PEX5: variants seen among roughly 807,000 people sequenced by gnomAD.
PEX5 encodes the protein peroxisomal biogenesis factor 5.
PEX5 carries 52 observed loss-of-function variants against 82.9 expected under a neutral mutation model. The observed-to-expected ratio is 0.63, with a 90% confidence interval of 0.50 to 0.79. The LOEUF (loss-of-function observed/expected upper bound fraction) is 0.79. PEX5 is among the 30% of genes least tolerant of loss of function. PEX5 has a pLI of 0.00. For missense variants in PEX5, 719 were observed against 815.2 expected, an observed-to-expected ratio of 0.88 and a Z score of 1.44; for synonymous variants, 300 against 318.8, an observed-to-expected ratio of 0.94 and a Z score of 0.63.
At chr12:7,201,258 C>T (rs1210731952) in intron 6 of PEX5, among the ~76,000 whole-genome samples, 10 of 140,614 alleles carry the variant, frequency 7.1e-5, no homozygotes, top group South Asian at 2.7e-4. Flanking sequence ...TAGATACATG[C>T]GTACACATGT....
downstream of PEX5, among the ~76,000 whole-genome samples, chr12:7,212,285 A>C (rs746899482): frequency 1.3e-5 from 2 of 152,042 alleles, no homozygotes; most frequent in African/African-American, 4.8e-5. Context: ...CTAACTTTTA[A>C]ATTTATTTAA....
chr12:7,191,738 T>G, intron 5 of PEX5, 38 bp downstream of exon 5: 1 of 1,592,568 alleles, frequency 6.3e-7, no homozygotes, highest in Non-Finnish European at 8.6e-7. Context: ...TTGGCTTCTA[T>G]GGGACAGAAT....
chr12:7,211,845 T>TTA (rs1945596522), downstream of PEX5, among the ~76,000 whole-genome samples: 1 of 152,142 alleles, frequency 6.6e-6, no homozygotes, highest in Non-Finnish European at 1.5e-5. Flanking sequence ...GGGAACTGTA[T>TTA]CAAGTGCCAT....
chr12:7,217,505 T>G (rs915649557), intron 17 of PEX5, among the ~76,000 whole-genome samples: 1 of 152,196 alleles, frequency 6.6e-6, no homozygotes, highest in Admixed American at 6.5e-5. Context: ...AGCATGGTGG[T>G]CTCAGGGTGT....
At chr12:7,200,783 G>T (rs1378002453) in intron 6 of PEX5, among the ~76,000 whole-genome samples, 1 of 149,486 alleles carries the variant, frequency 6.7e-6, no homozygotes, top group Non-Finnish European at 1.5e-5. Flanking sequence ...GCAGGCACTC[G>T]GCAGGCTGAA....
chr12:7,199,136 G>T, intron 6 of PEX5, 23 bp downstream of exon 6: 1 of 1,348,180 alleles, frequency 7.4e-7, no homozygotes. Context: ...ACCTCTTTCC[G>T]AATCCCGTGA....
chr12:7,213,121 G>GAATC (rs924580653), downstream of PEX5, among the ~76,000 whole-genome samples: 24 of 151,412 alleles, frequency 1.6e-4, no homozygotes, highest in African/African-American at 5.8e-4. Context: ...TGGGTAGGAA[G>GAATC]AATCAATATT....
chr12:7,199,530 TAGATC>T (rs1249731899), intron 6 of PEX5, among the ~76,000 whole-genome samples: 1 of 151,520 alleles, frequency 6.6e-6, no homozygotes, highest in Non-Finnish European at 1.5e-5. Flanking sequence ...GGTAAGGTCA[TAGATC>T]AACAGGATCC....
intron 5 of PEX5, among the ~76,000 whole-genome samples, chr12:7,198,499 C>T (rs1943154238): frequency 6.6e-6 from 1 of 152,186 alleles, no homozygotes; most frequent in African/African-American, 2.4e-5. Context: ...TCTAGCCTAG[C>T]ATTCCACTTC....
Position 7,208,051 on chromosome 12 carries a change from A to G in PEX5, c.1152A>G (p.Gln384=), listed in dbSNP as rs1945034494. ...GTACCACCCAGGCAGAGAATGAACA[A>G]GAACTATTAGCCATCAGTGCATTGC... ...YLGTTQAENE[Q]ELLAISALRR... The change falls in exon 12 of 16, where the codon CAA becomes CAG. Residue 384 remains glutamine (Q), a synonymous_variant. Transcript: ENST00000675855. 6.2e-7 allele frequency: 1 copy of G among 1,613,894 alleles called. No individual in the cohort carries two copies. Among genetic ancestry groups the G allele is most frequent in the Admixed American group, 1.7e-5 (1 of 60,016 alleles).
chr12:7,189,806 T>C, intron 1 of PEX5, 56 bp downstream of exon 1: 1 of 799,154 alleles, frequency 1.3e-6, no homozygotes, highest in Non-Finnish European at 1.8e-6. Context: ...CTCCCCACCC[T>C]TGCGGTGGCC....
intron 5 of PEX5, 40 bp from the exon 6 acceptor site, chr12:7,198,967 CTGAA>C (rs1324762039): frequency 5.5e-6 from 6 of 1,095,654 alleles, no homozygotes; most frequent in East Asian, 5.0e-5. Flanking sequence ...TGATCCCACA[CTGAA>C]TGAACCTGTG....
chr12:7,192,079 G>A (rs1466736936), intron 5 of PEX5, among the ~76,000 whole-genome samples: 1 of 152,188 alleles, frequency 6.6e-6, no homozygotes, highest in Non-Finnish European at 1.5e-5. Context: ...GGCCTTCAGA[G>A]TGTTATTGTG....
intron 6 of PEX5, among the ~76,000 whole-genome samples, chr12:7,201,521 C>T (rs971561854): frequency 6.6e-6 from 1 of 152,116 alleles, no homozygotes; most frequent in African/African-American, 2.4e-5. Context: ...GCTACTATCC[C>T]ATCTGTATGC....
Position 7,191,339 on chromosome 12 carries a change from C to T in PEX5, c.297C>T (p.Phe99=), listed in dbSNP as rs573650362. The T allele has an allele frequency of 5.6e-6, 9 of 1,614,050 alleles. No homozygotes were observed. In the South Asian group the frequency reaches 7.7e-5, roughly 14 times the overall value. The change falls in exon 4 of 16, where the codon TTC becomes TTT. Residue 99 remains phenylalanine (F), a synonymous_variant. Coordinates refer to ENST00000675855, the MANE Select transcript of PEX5 (RefSeq NM_001351132.2). ...AEMQQIEQSN[F]RQAPQRAPGV... ...TGCAGCAGATTGAGCAGTCAAACTTCCGCCAGGCTCCCCAGAGAGGTGAGT... is the reference window on the plus strand; with the variant it reads ...TGCAGCAGATTGAGCAGTCAAACTTTCGCCAGGCTCCCCAGAGAGGTGAGT...
chr12:7,190,509 CCCGGCCT>C lies in PEX5; in HGVS notation c.134_140del (p.Pro45LeufsTer10). 1 of 1,611,974 alleles carries C rather than the reference CCCGGCCT, an allele frequency of 6.2e-7. No individual in the cohort carries two copies. The highest frequency in any genetic ancestry group is 8.5e-7 in the Non-Finnish European group (1 of 1,179,172). On this transcript the variant is annotated frameshift_variant, in exon 2 of 16. Transcript: ENST00000675855. LOFTEE classifies it high-confidence loss of function. Reference sequence around the variant, plus strand: ...GGCCTGGCCCCTGGCCCCCCGGAGCCCCGGCCTCTGAGGCAGTGAGTGTTCTTGAGGT... The same window carrying C: ...GGCCTGGCCCCTGGCCCCCCGGAGCCCTGAGGCAGTGAGTGTTCTTGAGGT...
downstream of PEX5, among the ~76,000 whole-genome samples, chr12:7,214,380 T>C (rs1478698485): frequency 6.6e-6 from 1 of 152,010 alleles, no homozygotes; most frequent in Non-Finnish European, 1.5e-5. Flanking sequence ...CATGGAATAC[T>C]ATGCAGCCGT....
rs930908674 is a variant in PEX5, at chr12:7,191,349, C to T, written c.307C>T (p.Pro103Ser). ...TGAGCAGTCAAACTTCCGCCAGGCT[C>T]CCCAGAGAGGTGAGTCCAGAGTCTA... ...QIEQSNFRQA[P>S]QRAPGVADLA... Residue 103 changes from proline to serine, a missense_variant, in exon 4 of 16, where the codon CCC becomes TCC. By Grantham distance (74) the Pro-to-Ser change is moderately conservative. Coordinates refer to ENST00000675855, the MANE Select transcript of PEX5 (RefSeq NM_001351132.2). 6.2e-7 allele frequency: 1 copy of T among 1,614,010 alleles called. No individual in the cohort carries two copies. The highest frequency in any genetic ancestry group is 1.3e-5 in the African/African-American group (1 of 74,906).
downstream of PEX5, among the ~76,000 whole-genome samples, chr12:7,213,596 C>A: frequency 1.3e-5 from 2 of 149,244 alleles, no homozygotes; most frequent in Non-Finnish European, 3.0e-5. Context: ...TAAAGACTTA[C>A]ATGTTAGACC....
Sources: allele counts gnomAD v4.1 joint callset (sites outside exome capture counted in the v4.1 genomes callset), GRCh38; gene constraint gnomAD v4.1.1; transcripts MANE v1.5; gene names NCBI Gene and HGNC (gene_info 2026-07-23, HGNC 2026-07-21).